MACROD2: variants seen among roughly 807,000 people sequenced by gnomAD.
The protein encoded by MACROD2 is ADP-ribose glycohydrolase MACROD2.
MACROD2 carries 36 observed loss-of-function variants against 70.4 expected under a neutral mutation model. The observed-to-expected ratio is 0.51, with a 90% CI of 0.39 to 0.68. MACROD2 has a LOEUF of 0.68. Among genes scored for constraint, MACROD2 ranks in the 30% least tolerant of loss-of-function variants. The pLI, the probability that MACROD2 is intolerant of heterozygous loss-of-function variation, is 0.00. For synonymous variants in MACROD2, 172 were observed against 178.8 expected, an observed-to-expected ratio of 0.96 and a Z score of 0.30; for missense variants, 496 against 538.4, an observed-to-expected ratio of 0.92 and a Z score of 0.78.
rs531273867 is a variant in MACROD2, at chr20:15,374,564, T to C, written c.541-56841T>C. On this transcript the variant is annotated intron_variant, in intron 6 of 17. Transcript: ENST00000684519. ...CCTTGGTGCCAGCTTTCCCTGAGTC[T>C]ATGTATTTTTTTGTTATACAGTTGT... Among the ~76,000 whole-genome samples, 3 of 152,278 alleles carry C rather than the reference T, an allele frequency of 2.0e-5. No individual in the cohort carries two copies. In the East Asian group the frequency reaches 5.8e-4, roughly 29 times the overall value.
chr20:15,823,316 G>GTGTGTGTGTA lies in MACROD2; in HGVS notation c.646-39424_646-39423insGTGTATGTGT, dbSNP rs139668215. Among the ~76,000 whole-genome samples, 1,478 of 148,110 alleles carry GTGTGTGTGTA rather than the reference G, an allele frequency of 1.0e-2. 24 individuals carry two copies. Among genetic ancestry groups the GTGTGTGTGTA allele is most frequent in the Middle Eastern group, 0.027 (8 of 294 alleles). ...TGTGTGTGTGTGTGTGTGTGTGTGT[G>GTGTGTGTGTA]TGTGTCTATAGCTGTCTATGCGAAG... On this transcript the variant is annotated intron_variant, in intron 8 of 17. Transcript: ENST00000684519.
chr20:15,910,037 T>G (rs2065212487), intron 10 of MACROD2, among the ~76,000 whole-genome samples: 1 of 152,178 alleles, frequency 6.6e-6, no homozygotes, highest in African/African-American at 2.4e-5. Flanking sequence ...CTATGCAGAT[T>G]GAGTCAAGCA....
At chr20:14,737,472 A>G (rs1406387539) in intron 5 of MACROD2, among the ~76,000 whole-genome samples, 1 of 152,114 alleles carries the variant, frequency 6.6e-6, no homozygotes, top group African/African-American at 2.4e-5. Flanking sequence ...TATACCCAGT[A>G]ATGGGATTGC....
At chr20:15,542,800 A>C (rs2047974878) in intron 8 of MACROD2, among the ~76,000 whole-genome samples, 1 of 152,132 alleles carries the variant, frequency 6.6e-6, no homozygotes, top group South Asian at 2.1e-4. Context: ...TGGGAACTTA[A>C]TCATCATTCT....
chr20:15,254,141 T>C (rs2077178590), intron 6 of MACROD2, among the ~76,000 whole-genome samples: 1 of 152,182 alleles, frequency 6.6e-6, no homozygotes, highest in African/African-American at 2.4e-5. Context: ...TTAGTGAAAC[T>C]TTCAACGGAT....
chr20:15,251,381 A>T (rs992263200), intron 6 of MACROD2, among the ~76,000 whole-genome samples: 1 of 152,186 alleles, frequency 6.6e-6, no homozygotes, highest in African/African-American at 2.4e-5. Context: ...CTGAATAAAC[A>T]TGGAGTGTAT....
intron 5 of MACROD2, among the ~76,000 whole-genome samples, chr20:15,226,208 T>A (rs1260436675): frequency 1.3e-5 from 2 of 152,174 alleles, no homozygotes; most frequent in South Asian, 4.1e-4. Context: ...GAAGGTCACG[T>A]AGCTGATTAG....
chr20:14,925,532 C>T (rs1011035515), intron 5 of MACROD2, among the ~76,000 whole-genome samples: 7 of 152,098 alleles, frequency 4.6e-5, no homozygotes, highest in Non-Finnish European at 1.0e-4. Context: ...GAGTCATCAT[C>T]CTTGGAAAGG....
At chr20:15,720,419 A>T (rs2050771223) in intron 8 of MACROD2, among the ~76,000 whole-genome samples, 1 of 152,168 alleles carries the variant, frequency 6.6e-6, no homozygotes, top group Admixed American at 6.5e-5. Context: ...ATTTTTAAAA[A>T]TTTTACATAT....
chr20:14,056,420 T>G (rs1240704102), intron 2 of MACROD2, among the ~76,000 whole-genome samples: 1 of 151,988 alleles, frequency 6.6e-6, no homozygotes, highest in Non-Finnish European at 1.5e-5. Flanking sequence ...TTTTTTTGTC[T>G]TCCAGGTTTT....
intron 2 of MACROD2, among the ~76,000 whole-genome samples, chr20:14,036,032 G>A (rs1229404999): frequency 3.3e-5 from 5 of 152,006 alleles, no homozygotes; most frequent in East Asian, 1.9e-4. Flanking sequence ...GTCCCAGCTA[G>A]TCTGGAGGCT....
At chr20:14,889,459 A>G (rs1403968884) in intron 5 of MACROD2, among the ~76,000 whole-genome samples, 7 of 152,170 alleles carry the variant, frequency 4.6e-5, no homozygotes, top group Admixed American at 4.6e-4. Flanking sequence ...GGTTAAATCT[A>G]GGATTCAATA....
chr20:15,494,973 C>T (rs1745946939), intron 7 of MACROD2, among the ~76,000 whole-genome samples: 1 of 152,176 alleles, frequency 6.6e-6, no homozygotes, highest in Non-Finnish European at 1.5e-5. Context: ...CACCTGGATA[C>T]ACACACATGC....
rs76654885 is a variant in MACROD2 at position 15,769,060 on chromosome 20, G to A, written c.646-93685G>A. Among the ~76,000 whole-genome samples the A allele has an allele frequency of 2.5e-3, 385 of 152,312 alleles. 2 individuals carry two copies. Among genetic ancestry groups the A allele is most frequent in the African/African-American group, 8.9e-3 (371 of 41,576 alleles). On this transcript the variant is annotated intron_variant, in intron 8 of 17. Coordinates refer to ENST00000684519, the MANE Select transcript of MACROD2 (RefSeq NM_001351661.2). ...GTTTTACAATTAACCTTTTTAATTA[G>A]TACAGGAGTACACTTTAAAATAATG...
intron 3 of MACROD2, among the ~76,000 whole-genome samples, chr20:14,253,432 C>G (rs2082027817): frequency 6.6e-6 from 1 of 151,932 alleles, no homozygotes; most frequent in Non-Finnish European, 1.5e-5. Context: ...GTGTTTTTAT[C>G]TTCGCTAAGA....
intron 3 of MACROD2, among the ~76,000 whole-genome samples, chr20:14,220,239 G>C (rs1461361982): frequency 6.6e-6 from 1 of 152,070 alleles, no homozygotes; most frequent in African/African-American, 2.4e-5. Flanking sequence ...AGATTCCCAG[G>C]TCAGGGGAGT....
intron 3 of MACROD2, among the ~76,000 whole-genome samples, chr20:14,120,803 C>T (rs1029758156): frequency 2.0e-5 from 3 of 151,216 alleles, no homozygotes; most frequent in Non-Finnish European, 2.9e-5. Context: ...AGCAAACTAA[C>T]ACAGGAACAG....
intron 5 of MACROD2, among the ~76,000 whole-genome samples, chr20:14,953,949 G>A (rs574846193): frequency 2.0e-5 from 3 of 152,220 alleles, no homozygotes; most frequent in South Asian, 4.1e-4. Flanking sequence ...ATGAGTGAGT[G>A]TTCATTTAGA....
At chr20:14,725,919 C>T (rs1467666614) in intron 5 of MACROD2, among the ~76,000 whole-genome samples, 2 of 152,112 alleles carry the variant, frequency 1.3e-5, no homozygotes, top group African/African-American at 4.8e-5. Flanking sequence ...AGTGTGTGCA[C>T]CCACAGTGTG....
Sources: allele counts gnomAD v4.1 joint callset (sites outside exome capture counted in the v4.1 genomes callset), GRCh38; gene constraint gnomAD v4.1.1; transcripts MANE v1.5; gene names NCBI Gene and HGNC (gene_info 2026-07-23, HGNC 2026-07-21).